The following ATP9A variants were observed in gnomAD, a reference collection of about 807,000 sequenced individuals.
The protein encoded by ATP9A is probable phospholipid-transporting ATPase IIA.
A neutral mutation model predicts 144.1 loss-of-function variants in ATP9A; 52 were observed. The ratio of observed to expected loss-of-function variants is 0.36; its 90% CI spans 0.29 to 0.45. The LOEUF (loss-of-function observed/expected upper bound fraction) is 0.45, where lower values mean the gene tolerates loss of function less well. Ranked by LOEUF, ATP9A falls within the 20% of genes least tolerant of loss-of-function variation. The pLI is 1.00. For missense variants in ATP9A, 947 were observed against 1,392.7 expected (o/e 0.68, Z 5.09); for synonymous variants, 582 against 557.4 (o/e 1.04, Z -0.62).
chr20:51,749,523 C>T (rs1366864337), intron 1 of ATP9A, among the ~76,000 whole-genome samples: 1 of 152,126 alleles, frequency 6.6e-6, no homozygotes, highest in African/African-American at 2.4e-5. Flanking sequence ...CTTGGTCTCC[C>T]AAAGTGCTGG....
intron 15 of ATP9A, among the ~76,000 whole-genome samples, chr20:51,638,121 A>C (rs112880590): frequency 0.04 from 4,106 of 102,896 alleles, 187 homozygotes; most frequent in African/African-American, 0.062. Flanking sequence ...ATATATATAT[A>C]TATCTCATAG....
At chr20:51,646,652 G>A (rs2077343536) in intron 14 of ATP9A, among the ~76,000 whole-genome samples, 1 of 152,332 alleles carries the variant, frequency 6.6e-6, no homozygotes, top group Admixed American at 6.5e-5. Context: ...GCCAACCACT[G>A]CCAGGTAGAA....
chr20:51,658,894 G>GC (rs1568807189), intron 13 of ATP9A, among the ~76,000 whole-genome samples: 7 of 112,392 alleles, frequency 6.2e-5, no homozygotes, highest in Non-Finnish European at 9.6e-5. Flanking sequence ...CTGGCGGGGG[G>GC]GGGGGGGGGA....
chr20:51,641,704 G>C (rs558076297), intron 14 of ATP9A, among the ~76,000 whole-genome samples: 8 of 151,424 alleles, frequency 5.3e-5, no homozygotes, highest in African/African-American at 1.7e-4. Context: ...GGTGGCAGGC[G>C]CCTGTAATCC....
intron 9 of ATP9A, among the ~76,000 whole-genome samples, chr20:51,677,949 G>C (rs2077484082): frequency 6.6e-6 from 1 of 152,122 alleles, no homozygotes; most frequent in Non-Finnish European, 1.5e-5. Context: ...ATTTTGGAGA[G>C]AAATTTGGCA....
chr20:51,756,271 CTCTG>C (rs59507612), intron 1 of ATP9A, among the ~76,000 whole-genome samples: 55,646 of 148,904 alleles, frequency 0.37, 11,115 homozygotes, highest in East Asian at 0.7. Flanking sequence ...TCTCTGGTGT[CTCTG>C]TCTTTTTTTT....
At chr20:51,679,414 C>T (rs915911867) in intron 9 of ATP9A, among the ~76,000 whole-genome samples, 1 of 152,144 alleles carries the variant, frequency 6.6e-6, no homozygotes, top group African/African-American at 2.4e-5. Flanking sequence ...TCATGCTACA[C>T]CCAGGGAGTG....
In ATP9A at chr20:51,613,677, C is replaced by A; in HGVS notation, c.2571G>T (p.Gln857His). Residue 857 changes from glutamine to histidine, a missense_variant and splice_region_variant, in exon 23 of 28, where the codon CAG (glutamine) becomes CAT (histidine). By Grantham distance (24) the Gln-to-His change is conservative. This residue lies in a region of ATP9A where 177 missense variants were observed against 344.9 expected (regional missense o/e 0.51). Transcript: ENST00000338821. The part of the protein sequence containing the change: ...IHRSLCISTM[Q>H]AVFSSVFYFA... ...GCAGAGGGGCCAGCTGTCCACTCAC[C>A]TGCATGGTGCTGATACAGAGGCTCC... 6.2e-7 allele frequency: 1 copy of A among 1,613,184 alleles called. No individual in the cohort carries two copies. The highest frequency in any genetic ancestry group is 8.5e-7 in the Non-Finnish European group (1 of 1,179,544).
At chr20:51,658,914 G>A (rs1198575390) in intron 13 of ATP9A, among the ~76,000 whole-genome samples, 1 of 111,466 alleles carries the variant, frequency 9.0e-6, no homozygotes, top group Non-Finnish European at 1.7e-5. Context: ...AAGGCTCATT[G>A]TTGAACACAA....
chr20:51,607,135 G>A (rs1399682089), intron 26 of ATP9A, among the ~76,000 whole-genome samples: 7 of 151,860 alleles, frequency 4.6e-5, no homozygotes, highest in Admixed American at 1.3e-4. Flanking sequence ...ATCTTACAAC[G>A]CCTCCACAGT....
rs138936187 is a variant in ATP9A, at chr20:51,688,864, C to T, written c.799+200G>A. ...ACGCTGCAGAAAGGTCCACAGGCCA[C>T]GCGGGCTTCTCCTCCAGGCATCTCT... On this transcript the variant is annotated intron_variant, in intron 9 of 27. Coordinates refer to ENST00000338821, the MANE Select transcript of ATP9A (RefSeq NM_006045.3). Among the ~76,000 whole-genome samples the T allele has an allele frequency of 2.3e-3, 346 of 152,256 alleles. 1 individual carries two copies. The highest frequency in any genetic ancestry group is 4.1e-3 in the Non-Finnish European group (281 of 68,018).
rs1168587475 is a variant in ATP9A, at chr20:51,601,120, A to T, written c.*91T>A. Reference sequence around the variant, plus strand: ...CTGCATGTGTTAGCAATTACTGCAAAATCCACAGGTGGCGGTTAATATAAA... The same window carrying T: ...CTGCATGTGTTAGCAATTACTGCAATATCCACAGGTGGCGGTTAATATAAA... On this transcript the variant is annotated 3_prime_UTR_variant, in exon 28 of 28. Coordinates refer to ENST00000338821, the MANE Select transcript of ATP9A (RefSeq NM_006045.3). The T allele has an allele frequency of 2.1e-6, 3 of 1,443,578 alleles. No individual in the cohort carries two copies. The highest frequency in any genetic ancestry group is 2.8e-6 in the Non-Finnish European group (3 of 1,080,052). 89.4% of individuals were successfully genotyped at this position (1,443,578 alleles called of 1,614,324 possible).
chr20:51,709,041 T>C (rs551553684), intron 4 of ATP9A, among the ~76,000 whole-genome samples: 13 of 152,328 alleles, frequency 8.5e-5, no homozygotes, highest in East Asian at 3.9e-4. Context: ...AATAGCAATA[T>C]ATTGATGCTC....
At chr20:51,644,267 C>T (rs987828260) in intron 14 of ATP9A, among the ~76,000 whole-genome samples, 13 of 75,996 alleles carry the variant, frequency 1.7e-4, no homozygotes, top group African/African-American at 5.4e-4. Flanking sequence ...TTACTTCTAG[C>T]TTTTTTTTTT....
At position 51,670,037 on chromosome 20, in the gene ATP9A, A is replaced by G; in HGVS notation, c.1253T>C (p.Met418Thr). ...LGTVAYGLDS[M>T]DEVQSHIFSI... ...GAAAATGTGGCTTTGTACTTCGTCCATTGAGTCGAGGCCGTAGGCTACTGT... is the reference window on the plus strand; with the variant it reads ...GAAAATGTGGCTTTGTACTTCGTCCGTTGAGTCGAGGCCGTAGGCTACTGT... The change falls in exon 13 of 28, where the codon ATG becomes ACG. Residue 418 changes from methionine (M) to threonine (T), a missense_variant. Physicochemically the swap from Met to Thr is moderately conservative, Grantham distance 81 (BLOSUM62 -1). This residue lies in a region of ATP9A where 770 missense variants were observed against 1,047.9 expected (regional missense o/e 0.73). Transcript: ENST00000338821. 6.2e-7 allele frequency: 1 copy of G among 1,614,126 alleles called. No homozygotes were observed. Among genetic ancestry groups the G allele is most frequent in the Non-Finnish European group, 8.5e-7 (1 of 1,180,026 alleles).
At chr20:51,765,825 T>G (rs1449316126) in intron 1 of ATP9A, among the ~76,000 whole-genome samples, 2 of 151,882 alleles carry the variant, frequency 1.3e-5, no homozygotes, top group Admixed American at 6.6e-5. Flanking sequence ...GGAGTGGTAG[T>G]GGGCACCTGT....
chr20:51,604,820 T>C lies in ATP9A; in HGVS notation c.3004A>G (p.Ile1002Val), dbSNP rs780108685. 15 of 1,498,134 alleles carry C rather than the reference T, an allele frequency of 1.0e-5. No individual in the cohort carries two copies. Among genetic ancestry groups the C allele is most frequent in the Admixed American group, 4.2e-5 (2 of 47,704 alleles). 92.8% of individuals were successfully genotyped at this position (1,498,134 alleles called of 1,614,324 possible). The change falls in exon 27 of 28, where the codon ATC becomes GTC. Residue 1002 changes from isoleucine (I) to valine (V), a missense_variant. By Grantham distance (29) the Ile-to-Val change is conservative. This residue lies in a region of ATP9A where 177 missense variants were observed against 344.9 expected (regional missense o/e 0.51). Transcript: ENST00000338821. ...TTTAAGCATTCAGGGGTCTTACCGA[T>C]GAACTCGTGTAAGAACACCAGGGAG... The part of the protein sequence containing the change: ...IASLVFLHEF[I>V]DVYFIATLSF...
intron 15 of ATP9A, among the ~76,000 whole-genome samples, chr20:51,637,395 G>A (rs902329556): frequency 6.6e-6 from 1 of 150,938 alleles, no homozygotes; most frequent in Admixed American, 6.6e-5. Flanking sequence ...CCGTGTGCCA[G>A]GCAGGAAAGC....
At chr20:51,659,831 C>T (rs1367509581) in intron 13 of ATP9A, among the ~76,000 whole-genome samples, 1 of 152,170 alleles carries the variant, frequency 6.6e-6, no homozygotes, top group African/African-American at 2.4e-5. Context: ...CTAAATTATT[C>T]TGGTCACTGC....
Sources: gnomAD v4.1 joint callset for allele counts (sites outside exome capture counted in the v4.1 genomes callset) on GRCh38, gnomAD v4.1.1 for gene constraint, gnomAD v4.1.1 regional missense constraint, MANE v1.5 for transcripts, NCBI Gene and HGNC (gene_info 2026-07-23, HGNC 2026-07-21) for gene names.